Variants in FBN1 observed in about 807,000 individuals in gnomAD.
FBN1 encodes fibrillin 1, also known as fibrillin-1.
A neutral mutation model predicts 365.1 loss-of-function variants in FBN1; 29 were observed. That is an observed-to-expected ratio of 0.08 (90% CI 0.06 to 0.11). The LOEUF (loss-of-function observed/expected upper bound fraction) is 0.11, where lower values mean the gene tolerates loss of function less well. Among genes scored for constraint, FBN1 ranks in the 10% least tolerant of loss-of-function variants. FBN1 has a pLI of 1.00. For synonymous variants in FBN1, 1,210 were observed against 1,270.5 expected (o/e 0.95, Z 1.01); for missense variants, 2,476 against 3,703.2 (o/e 0.67, Z 8.60).
intron 2 of FBN1, among the ~76,000 whole-genome samples, chr15:48,629,468 T>A (rs1347866041): frequency 1.3e-5 from 2 of 152,178 alleles, no homozygotes; most frequent in Non-Finnish European, 2.9e-5. Flanking sequence ...AAATAAAATT[T>A]ATGACTCAAT....
intron 4 of FBN1, 88 bp downstream of exon 4, chr15:48,610,640 G>A: frequency 3.0e-6 from 3 of 983,974 alleles, no homozygotes; most frequent in South Asian, 2.8e-5. Flanking sequence ...ATGTATTGCA[G>A]GAAAGAGGAA....
chr15:48,489,707 T>A, intron 25 of FBN1, 144 bp downstream of exon 25: 1 of 739,718 alleles, frequency 1.4e-6, no homozygotes, highest in Non-Finnish European at 2.3e-6. Flanking sequence ...AAAAAGTTCA[T>A]ACTTTTCTAA....
chr15:48,449,912 A>G (rs539421466), intron 45 of FBN1, among the ~76,000 whole-genome samples: 20 of 152,308 alleles, frequency 1.3e-4, no homozygotes, highest in African/African-American at 4.8e-4. Context: ...TGCCAGAATC[A>G]TGGACATCTC....
At chr15:48,437,242 T>C in intron 52 of FBN1, 80 bp downstream of exon 52, 2 of 1,381,890 alleles carry the variant, frequency 1.4e-6, no homozygotes. Flanking sequence ...CCAAGATAGA[T>C]GGAGAAAAAT....
At position 48,487,003 on chromosome 15, in the gene FBN1, A is replaced by AATAAC. The variant is rs72132658; in HGVS notation, c.3589+67_3589+71dup. ...GGAGAGATGAAATAAAATAAAATAA[A>AATAAC]ATAACATAACATAACATAACATAAA... On this transcript the variant is annotated intron_variant, in intron 29 of 65. Coordinates refer to ENST00000316623, the MANE Select transcript of FBN1 (RefSeq NM_000138.5). 1.7e-3 allele frequency: 1,938 copies of AATAAC among 1,128,404 alleles called. 8 individuals carry two copies. Among genetic ancestry groups the AATAAC allele is most frequent in the South Asian group, 4.9e-3 (211 of 43,100 alleles). The allele number at this position is 1,128,404 out of a possible 1,614,324, so 69.9% of individuals were successfully genotyped here. A position where few individuals can be genotyped will look rare whatever the true frequency, so the allele number is the denominator to read the frequency against.
At chr15:48,486,277 G>C (rs1290088039) in intron 29 of FBN1, among the ~76,000 whole-genome samples, 2 of 152,224 alleles carry the variant, frequency 1.3e-5, no homozygotes, top group African/African-American at 4.8e-5. Flanking sequence ...CTGAGTTGAA[G>C]TTCTGAGTTG....
intron 12 of FBN1, among the ~76,000 whole-genome samples, chr15:48,514,624 T>C (rs1358702444): frequency 1.3e-5 from 2 of 152,204 alleles, no homozygotes; most frequent in Admixed American, 1.3e-4. Flanking sequence ...TCATCAGCAA[T>C]TTAAACTTTC....
chr15:48,435,324 T>TA (rs36029488), intron 53 of FBN1, among the ~76,000 whole-genome samples: 3,335 of 143,276 alleles, frequency 0.023, 65 homozygotes, highest in East Asian at 0.083. Context: ...CTCTAAGGGT[T>TA]AAAAAAAAAA....
Position 48,488,120 on chromosome 15 carries a change from G to A in FBN1, c.3330C>T (p.Asn1110=), listed in dbSNP as rs374584763. 9.3e-6 allele frequency: 15 copies of A among 1,614,012 alleles called. No homozygotes were observed. In the East Asian group the frequency reaches 1.1e-4, roughly 12 times the overall value. Residue 1110 remains asparagine, a synonymous_variant, in exon 27 of 66, where the codon AAC becomes AAT. Coordinates refer to ENST00000316623, the MANE Select transcript of FBN1 (RefSeq NM_000138.5). ...AAATGATCCCAAACTTACCCATGCA[G>A]TTCTTCATCATCATGAATCCACTTT... ...GYESGFMMMK[N]CMDIDECQRD...
intron 6 of FBN1, among the ~76,000 whole-genome samples, chr15:48,541,247 A>G (rs1201832519): frequency 5.3e-5 from 8 of 152,216 alleles, no homozygotes; most frequent in Admixed American, 1.3e-4. Flanking sequence ...CAGGGATCCA[A>G]TTTATTAAGT....
chr15:48,427,764 T>A lies in FBN1; in HGVS notation c.7007A>T (p.Glu2336Val). Residue 2336 changes from glutamate to valine, a missense_variant, in exon 58 of 66, where the codon GAA (glutamate) becomes GTA (valine). Physicochemically the swap from Glu to Val is moderately radical, Grantham distance 121. Coordinates refer to ENST00000316623, the MANE Select transcript of FBN1 (RefSeq NM_000138.5). The part of the protein sequence containing the change: ...PNQDECLDNR[E>V]GYCFTEVLQN... ...TAGCACCTCTGTGAAGCAGTACCCT[T>A]CCCGATTGTCTGGAAGGGACATTAT... 1 of 1,613,864 alleles carries A rather than the reference T, an allele frequency of 6.2e-7. No individual in the cohort carries two copies. Among genetic ancestry groups the A allele is most frequent in the East Asian group, 2.2e-5 (1 of 44,860 alleles).
intron 2 of FBN1, among the ~76,000 whole-genome samples, chr15:48,637,784 G>C (rs1291412407): frequency 1.3e-5 from 2 of 152,178 alleles, no homozygotes; most frequent in African/African-American, 4.8e-5. Context: ...CCTTCAAGGA[G>C]TTCTCACTCC....
intron 6 of FBN1, among the ~76,000 whole-genome samples, chr15:48,552,219 T>C (rs2044147687): frequency 6.6e-6 from 1 of 152,160 alleles, no homozygotes. Context: ...TGGTATCTCA[T>C]TGTGGTTTTA....
chr15:48,573,388 C>T (rs2140675476), intron 6 of FBN1, among the ~76,000 whole-genome samples: 1 of 152,170 alleles, frequency 6.6e-6, no homozygotes, highest in South Asian at 2.1e-4. Context: ...TACTAACCAT[C>T]ACTATGATCT....
intron 3 of FBN1, among the ~76,000 whole-genome samples, chr15:48,612,779 A>G (rs574617740): frequency 1.3e-5 from 2 of 152,356 alleles, no homozygotes; most frequent in South Asian, 4.1e-4. Flanking sequence ...CAGGCACAAC[A>G]TATGTAAATG....
intron 6 of FBN1, among the ~76,000 whole-genome samples, chr15:48,555,646 G>C (rs972136348): frequency 1.3e-5 from 2 of 152,254 alleles, no homozygotes; most frequent in Admixed American, 6.5e-5. Context: ...TAGGAGGAGA[G>C]AGTCTTGTTT....
chr15:48,596,718 C>T lies in FBN1; in HGVS notation c.443-340G>A, dbSNP rs758713500. The stretch of plus-strand genomic sequence containing the variant: ...CAAAGACTCTTTTGCTTATGATTTA[C>T]GTTTAATTGCAACAGGGCTCCCATG... On this transcript the variant is annotated intron_variant, in intron 5 of 65. Transcript: ENST00000316623. Among the ~76,000 whole-genome samples, 6 of 152,320 alleles carry T rather than the reference C, an allele frequency of 3.9e-5. No individual in the cohort carries two copies. In the East Asian group the frequency reaches 5.8e-4, roughly 15 times the overall value.
intron 43 of FBN1, among the ~76,000 whole-genome samples, chr15:48,459,603 C>T (rs1401249985): frequency 6.6e-6 from 1 of 152,216 alleles, no homozygotes; most frequent in African/African-American, 2.4e-5. Context: ...TCAGAGAATG[C>T]AATAGCTTTC....
Position 48,510,826 on chromosome 15 carries a change from G to C in FBN1, c.1589-657C>G, listed in dbSNP as rs377023160. ...ACACAACAGAGCTTGACACGGAAGT[G>C]TTAAAATAACAATAACTGAAACAAC... On this transcript the variant is annotated intron_variant, in intron 13 of 65. Transcript: ENST00000316623. Among the ~76,000 whole-genome samples the C allele has an allele frequency of 9.9e-5, 15 of 152,260 alleles. No homozygotes were observed. The East Asian group carries it at 1.5e-3, about 16-fold the overall frequency.
Sources: gnomAD v4.1 joint callset for allele counts (sites outside exome capture counted in the v4.1 genomes callset) on GRCh38, gnomAD v4.1.1 for gene constraint, MANE v1.5 for transcripts, NCBI Gene and HGNC (gene_info 2026-07-23, HGNC 2026-07-21) for gene names.